Variants in PTPRT observed in about 807,000 individuals in gnomAD.
The protein encoded by PTPRT is receptor-type tyrosine-protein phosphatase T.
Under a neutral mutation model 176.8 loss-of-function variants are expected in PTPRT, and 56 were observed. That is an observed-to-expected ratio of 0.32 (90% CI 0.26 to 0.40). The LOEUF (loss-of-function observed/expected upper bound fraction) is 0.40, where lower values mean the gene tolerates loss of function less well. Ranked by LOEUF, PTPRT falls within the 10% of genes least tolerant of loss-of-function variation. The pLI is 1.00. For missense variants in PTPRT, 1,540 were observed against 1,908.2 expected, an observed-to-expected ratio of 0.81 and a Z score of 3.60; for synonymous variants, 783 against 739.0, an observed-to-expected ratio of 1.06 and a Z score of -0.96.
At chr20:42,795,401 T>C (rs2077439211) in intron 2 of PTPRT, among the ~76,000 whole-genome samples, 1 of 152,226 alleles carries the variant, frequency 6.6e-6, no homozygotes, top group South Asian at 2.1e-4. Flanking sequence ...GGAGGCAAAA[T>C]GCTTCTCCAT....
intron 27 of PTPRT, among the ~76,000 whole-genome samples, chr20:42,097,866 G>C (rs550113370): frequency 6.6e-6 from 1 of 152,322 alleles, no homozygotes; most frequent in African/African-American, 2.4e-5. Flanking sequence ...TATGCTGTAG[G>C]CACGTGATGC....
At chr20:42,460,066 C>T (rs547076284) in intron 8 of PTPRT, among the ~76,000 whole-genome samples, 10 of 152,308 alleles carry the variant, frequency 6.6e-5, no homozygotes, top group South Asian at 6.2e-4. Context: ...GAAGGAGGAT[C>T]ACAGGCTCAG....
At chr20:42,330,260 C>T (rs927234983) in intron 11 of PTPRT, among the ~76,000 whole-genome samples, 2 of 152,194 alleles carry the variant, frequency 1.3e-5, no homozygotes, top group Middle Eastern at 3.4e-3. Context: ...CACCTGAGAT[C>T]GGGAGTTCAA....
chr20:43,060,890 G>A (rs1316973677), intron 1 of PTPRT, among the ~76,000 whole-genome samples: 1 of 152,072 alleles, frequency 6.6e-6, no homozygotes, highest in Non-Finnish European at 1.5e-5. Context: ...TGTGTATTTT[G>A]GTAAGATTAT....
At chr20:42,094,122 C>T (rs1984937882) in intron 27 of PTPRT, among the ~76,000 whole-genome samples, 1 of 152,196 alleles carries the variant, frequency 6.6e-6, no homozygotes, top group Admixed American at 6.5e-5. Context: ...TTTTATATGT[C>T]CCGAAGTGAA....
At chr20:42,295,204 T>C (rs1027896586) in intron 12 of PTPRT, among the ~76,000 whole-genome samples, 14 of 152,096 alleles carry the variant, frequency 9.2e-5, no homozygotes, top group Non-Finnish European at 1.9e-4. Flanking sequence ...TTAGAATAAA[T>C]ACTCTCAAAG....
chr20:43,039,560 C>A (rs1986522660), intron 1 of PTPRT, among the ~76,000 whole-genome samples: 1 of 151,714 alleles, frequency 6.6e-6, no homozygotes, highest in Non-Finnish European at 1.5e-5. Flanking sequence ...GATGAAAAAT[C>A]AGTAACATAC....
intron 7 of PTPRT, among the ~76,000 whole-genome samples, chr20:42,577,837 CTGTGTGTGTGTGTGTG>C (rs11468271): frequency 2.2e-5 from 3 of 139,430 alleles, no homozygotes; most frequent in South Asian, 2.6e-4. Context: ...CTGAGCAAGG[CTGTGTGTGTGTGTGTG>C]TGTGTGTGTG....
At chr20:42,663,983 T>A (rs909175069) in intron 7 of PTPRT, among the ~76,000 whole-genome samples, 3 of 152,202 alleles carry the variant, frequency 2.0e-5, no homozygotes, top group Non-Finnish European at 4.4e-5. Flanking sequence ...AGAAAAAAAA[T>A]TAGCAAATTG....
At chr20:43,112,339 T>C (rs1447703129) in intron 1 of PTPRT, among the ~76,000 whole-genome samples, 1 of 152,176 alleles carries the variant, frequency 6.6e-6, no homozygotes, top group Non-Finnish European at 1.5e-5. Context: ...AGGGACTGCA[T>C]TGTAGAAATG....
chr20:42,888,366 A>T (rs981919662), intron 1 of PTPRT, among the ~76,000 whole-genome samples: 1 of 152,178 alleles, frequency 6.6e-6, no homozygotes, highest in Non-Finnish European at 1.5e-5. Flanking sequence ...AGAAAGAAGA[A>T]GCATATTCTC....
chr20:43,167,511 TC>T (rs2014887400), intron 1 of PTPRT, among the ~76,000 whole-genome samples: 1 of 152,196 alleles, frequency 6.6e-6, no homozygotes, highest in South Asian at 2.1e-4. Context: ...GATCTTCACC[TC>T]CCAGTACTCA....
intron 17 of PTPRT, among the ~76,000 whole-genome samples, chr20:42,159,679 C>T (rs901904554): frequency 6.6e-6 from 1 of 151,984 alleles, no homozygotes; most frequent in Non-Finnish European, 1.5e-5. Context: ...TTTACTTAGA[C>T]CGTTTTTGAA....
chr20:43,074,716 AAG>A (rs1266016231), intron 1 of PTPRT, among the ~76,000 whole-genome samples: 1 of 152,172 alleles, frequency 6.6e-6, no homozygotes, highest in Non-Finnish European at 1.5e-5. Flanking sequence ...TATCTGTAAA[AAG>A]AGAGAGTTGA....
Position 42,733,706 on chromosome 20 carries a change from G to A in PTPRT, c.859+22756C>T, listed in dbSNP as rs561501658. On this transcript the variant is annotated intron_variant, in intron 6 of 30. Transcript: ENST00000373187. ...TCCATCCACTGCCCTTGCAGCCATC[G>A]GAGGCTACAGGCTTCTAAGAAGAAC... is the stretch of plus-strand genomic sequence containing the variant. Among the ~76,000 whole-genome samples the A allele has an allele frequency of 2.6e-5, 4 of 152,312 alleles. No individual in the cohort carries two copies. The South Asian group carries it at 8.3e-4, about 32-fold the overall frequency.
chr20:43,151,581 G>A (rs957514004), intron 1 of PTPRT, among the ~76,000 whole-genome samples: 1 of 151,914 alleles, frequency 6.6e-6, no homozygotes, highest in Non-Finnish European at 1.5e-5. Context: ...CAAGAACTTG[G>A]CCAGGTGTGG....
At position 42,739,221 on chromosome 20, in the gene PTPRT, G is replaced by A. The variant is rs554863723; in HGVS notation, c.859+17241C>T. Among the ~76,000 whole-genome samples, 3 of 152,300 alleles carry A rather than the reference G, an allele frequency of 2.0e-5. No homozygotes were observed. In the East Asian group the frequency reaches 5.8e-4, roughly 29 times the overall value. On this transcript the variant is annotated intron_variant, in intron 6 of 30. Transcript: ENST00000373187. ...AGCCATGGCCAACAGCTCCATGGCAGTGGACAAGACAGGTGTCACCCAAAA... is the reference window on the plus strand; with the variant it reads ...AGCCATGGCCAACAGCTCCATGGCAATGGACAAGACAGGTGTCACCCAAAA...
chr20:42,191,945 G>C (rs1486746430), intron 16 of PTPRT, among the ~76,000 whole-genome samples: 2 of 152,116 alleles, frequency 1.3e-5, no homozygotes, highest in Admixed American at 6.6e-5. Context: ...CAGAGAGTTG[G>C]GCAACTGTCA....
chr20:42,033,849 T>C, the PTPRT span, among the ~76,000 whole-genome samples: 6 of 152,164 alleles, frequency 3.9e-5, no homozygotes, highest in Admixed American at 2.0e-4. Context: ...AGAATGCCAT[T>C]TTCTACTCAA....
Sources: allele counts gnomAD v4.1 joint callset (sites outside exome capture counted in the v4.1 genomes callset), GRCh38; gene constraint gnomAD v4.1.1; transcripts MANE v1.5; gene names NCBI Gene and HGNC (gene_info 2026-07-23, HGNC 2026-07-21).